The following LRRC4C variants were observed in gnomAD, a reference collection of about 807,000 sequenced individuals.
The protein encoded by LRRC4C is leucine rich repeat containing 4C, also known as leucine-rich repeat-containing protein 4C.
In LRRC4C, 5 loss-of-function variants were observed where a neutral mutation model predicts 33.6. That is an observed-to-expected ratio of 0.15 (90% CI 0.08 to 0.31). LRRC4C has a LOEUF of 0.31. LRRC4C is among the 10% of genes least tolerant of loss of function. The pLI, the probability that LRRC4C is intolerant of heterozygous loss-of-function variation, is 1.00. For missense variants in LRRC4C, 560 were observed against 796.7 expected (o/e 0.70, Z 3.58); for synonymous variants, 329 against 302.0 (o/e 1.09, Z -0.93).
chr11:40,334,919 C>A (rs1467477646), intron 3 of LRRC4C, among the ~76,000 whole-genome samples: 2 of 152,144 alleles, frequency 1.3e-5, no homozygotes, highest in Non-Finnish European at 2.9e-5. Context: ...TCACTAAACT[C>A]ATTCGTCTGA....
chr11:40,533,035 A>T (rs554893523), intron 3 of LRRC4C, among the ~76,000 whole-genome samples: 96 of 152,100 alleles, frequency 6.3e-4, no homozygotes, highest in Non-Finnish European at 1.0e-3. Context: ...CCCCTGATTC[A>T]ATTGCCTCCA....
intron 3 of LRRC4C, among the ~76,000 whole-genome samples, chr11:40,343,481 TG>T (rs1946968097): frequency 6.6e-6 from 1 of 152,110 alleles, no homozygotes; most frequent in South Asian, 2.1e-4. Flanking sequence ...TAGTACCTGA[TG>T]GGTATTTTAT....
intron 1 of LRRC4C, among the ~76,000 whole-genome samples, chr11:41,373,196 T>C (rs896890297): frequency 2.2e-4 from 33 of 152,112 alleles, no homozygotes; most frequent in Admixed American, 1.1e-3. Flanking sequence ...GAATCCCCAG[T>C]TGAATATTGT....
chr11:40,737,237 T>C (rs912977164), intron 2 of LRRC4C, among the ~76,000 whole-genome samples: 1 of 152,146 alleles, frequency 6.6e-6, no homozygotes, highest in Non-Finnish European at 1.5e-5. Flanking sequence ...ATAAGAGCTA[T>C]TTATGACAAA....
chr11:41,270,553 C>A (rs1349853658), intron 1 of LRRC4C, among the ~76,000 whole-genome samples: 1 of 152,058 alleles, frequency 6.6e-6, no homozygotes, highest in Non-Finnish European at 1.5e-5. Flanking sequence ...GGTGCCTCTT[C>A]ACCCCCACAG....
At chr11:40,306,457 C>T (rs1178450019) in intron 4 of LRRC4C, among the ~76,000 whole-genome samples, 1 of 152,100 alleles carries the variant, frequency 6.6e-6, no homozygotes, top group Non-Finnish European at 1.5e-5. Context: ...CGATACACAC[C>T]CACACATTCA....
chr11:40,840,450 G>T (rs1281735707), intron 2 of LRRC4C, among the ~76,000 whole-genome samples: 1 of 152,046 alleles, frequency 6.6e-6, no homozygotes, highest in African/African-American at 2.4e-5. Flanking sequence ...TAAAATAATG[G>T]AATAGAAAAA....
intron 2 of LRRC4C, among the ~76,000 whole-genome samples, chr11:40,746,168 A>G (rs1188818888): frequency 4.6e-5 from 7 of 152,298 alleles, no homozygotes; most frequent in Middle Eastern, 3.4e-3. Context: ...TTAGTAGTCC[A>G]TGTTTCCACC....
chr11:40,704,971 A>G (rs1946075051), intron 2 of LRRC4C, among the ~76,000 whole-genome samples: 1 of 152,160 alleles, frequency 6.6e-6, no homozygotes, highest in Admixed American at 6.6e-5. Context: ...AGAGGAATCC[A>G]GAACAATACT....
At chr11:40,190,497 G>C (rs1226794689) in intron 5 of LRRC4C, among the ~76,000 whole-genome samples, 1 of 152,090 alleles carries the variant, frequency 6.6e-6, no homozygotes, top group South Asian at 2.1e-4. Context: ...GGTTCCTCTG[G>C]CACACAGCTG....
chr11:40,689,681 A>G (rs1945134826), intron 2 of LRRC4C, among the ~76,000 whole-genome samples: 1 of 152,080 alleles, frequency 6.6e-6, no homozygotes, highest in Non-Finnish European at 1.5e-5. Flanking sequence ...ATCACCAAAA[A>G]ACAGCTAAGG....
intron 1 of LRRC4C, among the ~76,000 whole-genome samples, chr11:41,248,054 C>T (rs74527744): frequency 1.3e-4 from 20 of 152,094 alleles, no homozygotes; most frequent in Admixed American, 1.2e-3. Context: ...AAAGGCAAAG[C>T]GAAAAGAGGG....
At chr11:41,058,556 A>G (rs1858816697) in intron 1 of LRRC4C, among the ~76,000 whole-genome samples, 3 of 152,240 alleles carry the variant, frequency 2.0e-5, no homozygotes, top group Admixed American at 2.0e-4. Flanking sequence ...GCCACTGGCC[A>G]CAGAGGTTTC....
chr11:40,899,413 C>A (rs1956111645), intron 2 of LRRC4C, among the ~76,000 whole-genome samples: 2 of 152,260 alleles, frequency 1.3e-5, no homozygotes, highest in Admixed American at 1.3e-4. Flanking sequence ...AATTGTGCCC[C>A]TTGGATTTCC....
intron 1 of LRRC4C, among the ~76,000 whole-genome samples, chr11:41,273,686 C>T (rs77159490): frequency 2.6e-5 from 4 of 152,082 alleles, no homozygotes; most frequent in African/African-American, 4.8e-5. Context: ...GCCTACAGTT[C>T]GCAATATGGT....
intron 2 of LRRC4C, among the ~76,000 whole-genome samples, chr11:40,871,372 T>C (rs577584190): frequency 1.3e-5 from 2 of 152,132 alleles, no homozygotes; most frequent in South Asian, 2.1e-4. Context: ...TCAGGGGGCA[T>C]CACAGAACCT....
At chr11:40,697,098 T>C (rs567750794) in intron 2 of LRRC4C, among the ~76,000 whole-genome samples, 1 of 152,044 alleles carries the variant, frequency 6.6e-6, no homozygotes, top group African/African-American at 2.4e-5. Flanking sequence ...TAGGCTGAAA[T>C]CTCTCAGCCT....
chr11:40,181,243 C>T (rs972950938), intron 5 of LRRC4C, among the ~76,000 whole-genome samples: 13 of 152,130 alleles, frequency 8.5e-5, no homozygotes, highest in Admixed American at 3.3e-4. Flanking sequence ...CTTCCTCTCC[C>T]ATTTGAGTAC....
intron 5 of LRRC4C, among the ~76,000 whole-genome samples, chr11:40,232,090 T>C (rs1339716454): frequency 6.6e-6 from 1 of 152,182 alleles, no homozygotes; most frequent in Non-Finnish European, 1.5e-5. Flanking sequence ...CGCTGCAACC[T>C]CTGCCTCCTG....
Sources: gnomAD v4.1 joint callset for allele counts (sites outside exome capture counted in the v4.1 genomes callset) on GRCh38, gnomAD v4.1.1 for gene constraint, MANE v1.5 for transcripts, NCBI Gene and HGNC (gene_info 2026-07-23, HGNC 2026-07-21) for gene names.